VSX2: variants seen among roughly 807,000 people sequenced by gnomAD.
VSX2 encodes ceh-10 homeo domain containing homolog.
VSX2 carries 28 observed loss-of-function variants against 32.1 expected under a neutral mutation model. The ratio of observed to expected loss-of-function variants is 0.87; its 90% CI spans 0.65 to 1.20. The LOEUF (loss-of-function observed/expected upper bound fraction) is 1.20, where lower values mean the gene tolerates loss of function less well. VSX2 is among the 50% of genes most tolerant of loss of function. VSX2 has a pLI of 0.00. For missense variants in VSX2, 506 were observed against 488.7 expected, an observed-to-expected ratio of 1.04 and a Z score of -0.33; for synonymous variants, 243 against 214.1, an observed-to-expected ratio of 1.14 and a Z score of -1.18.
intron 3 of VSX2, among the ~76,000 whole-genome samples, chr14:74,254,136 G>A (rs1371698996): frequency 6.6e-6 from 1 of 151,006 alleles, no homozygotes; most frequent in Non-Finnish European, 1.5e-5. Context: ...GAGGCCAGGC[G>A]TGGGGGCTCA....
chr14:74,245,435 T>TGA, intron 3 of VSX2, 147 bp downstream of exon 3: 1 of 1,165,054 alleles, frequency 8.6e-7, no homozygotes, highest in Non-Finnish European at 1.2e-6. Context: ...CTATTTAAGC[T>TGA]GAACACCTGC....
At chr14:74,245,857 T>C (rs759972021) in intron 3 of VSX2, among the ~76,000 whole-genome samples, 6 of 152,196 alleles carry the variant, frequency 3.9e-5, no homozygotes, top group Non-Finnish European at 7.3e-5. Flanking sequence ...TGCTGCTCCT[T>C]TTCTTCTCCC....
intron 1 of VSX2, 22 bp from the exon 2 acceptor site, chr14:74,241,160 T>C (rs767288954): frequency 1.9e-6 from 3 of 1,611,792 alleles, no homozygotes; most frequent in South Asian, 1.1e-5. Context: ...CTCTGCCGCA[T>C]GTCCCTACGC....
At chr14:74,240,354 A>G (rs1262143962) in intron 1 of VSX2, among the ~76,000 whole-genome samples, 2 of 152,194 alleles carry the variant, frequency 1.3e-5, no homozygotes, top group East Asian at 3.9e-4. Flanking sequence ...CTCCGGCCCC[A>G]TCCCTGGTGT....
At chr14:74,251,105 A>C (rs1245845776) in intron 3 of VSX2, among the ~76,000 whole-genome samples, 1 of 151,994 alleles carries the variant, frequency 6.6e-6, no homozygotes, top group Non-Finnish European at 1.5e-5. Context: ...ACTTGAGGTC[A>C]GGAGTTCGAG....
At chr14:74,247,619 G>A (rs1566885442) in intron 3 of VSX2, among the ~76,000 whole-genome samples, 1 of 152,186 alleles carries the variant, frequency 6.6e-6, no homozygotes, top group Non-Finnish European at 1.5e-5. Context: ...CAGCTAGTAA[G>A]TGGGAGACAC....
intron 3 of VSX2, among the ~76,000 whole-genome samples, chr14:74,252,404 T>C (rs184820284): frequency 1.7e-4 from 26 of 151,792 alleles, no homozygotes; most frequent in Non-Finnish European, 3.2e-4. Flanking sequence ...CTTTTTTTTT[T>C]TTTTGAGATG....
chr14:74,254,783 G>GTTTTTTTTTTTTTTTTTTTTTT (rs1566887118), intron 3 of VSX2, among the ~76,000 whole-genome samples: 20 of 72,360 alleles, frequency 2.8e-4, no homozygotes, highest in Non-Finnish European at 4.1e-4. Flanking sequence ...CCGAAAAGTG[G>GTTTTTTTTTTTTTTTTTTTTTT]ATTTTTTTTT....
At chr14:74,259,534 C>T in intron 3 of VSX2, 68 bp from the exon 4 acceptor site, 2 of 1,598,410 alleles carry the variant, frequency 1.3e-6, no homozygotes, top group South Asian at 1.1e-5. Context: ...TCCAAGCCTA[C>T]AAGGGGTAAG....
At chr14:74,240,791 C>A (rs1302099556) in intron 1 of VSX2, among the ~76,000 whole-genome samples, 1 of 152,178 alleles carries the variant, frequency 6.6e-6, no homozygotes, top group Non-Finnish European at 1.5e-5. Flanking sequence ...CGCCTCCGCT[C>A]CGCTCCTCGC....
At chr14:74,250,996 C>A (rs62006811) in intron 3 of VSX2, among the ~76,000 whole-genome samples, 110,192 of 151,412 alleles carry the variant, frequency 0.73, 42,271 homozygotes, top group Admixed American at 0.84. Flanking sequence ...CAACACCCAG[C>A]AATTCCGATT....
intron 3 of VSX2, among the ~76,000 whole-genome samples, chr14:74,248,360 A>C (rs1214079773): frequency 1.7e-5 from 2 of 117,506 alleles, no homozygotes; most frequent in African/African-American, 5.5e-5. Context: ...AACAAAAAAA[A>C]CCAAAAACGA....
At chr14:74,260,311 G>A (rs1027338668) in intron 4 of VSX2, among the ~76,000 whole-genome samples, 2 of 152,198 alleles carry the variant, frequency 1.3e-5, no homozygotes, top group African/African-American at 4.8e-5. Flanking sequence ...AATCCCATGG[G>A]GGAGGGACAG....
intron 1 of VSX2, among the ~76,000 whole-genome samples, chr14:74,240,148 G>A (rs1280510794): frequency 2.0e-5 from 3 of 152,222 alleles, no homozygotes; most frequent in Non-Finnish European, 4.4e-5. Context: ...TCGGGCGGCC[G>A]CGCAGTTCTC....
At chr14:74,244,088 G>A (rs1378239895) in intron 2 of VSX2, among the ~76,000 whole-genome samples, 2 of 152,216 alleles carry the variant, frequency 1.3e-5, no homozygotes, top group African/African-American at 4.8e-5. Flanking sequence ...GGAAGTAGGT[G>A]TTTAGCGGTT....
At position 74,239,808 on chromosome 14, in the gene VSX2, G is replaced by A; in HGVS notation, c.247G>A (p.Gly83Arg). ...CGGCATGGGGCTTCTGGGGCCCGGG[G>A]GGCTCCCTGGCTTCTACACGCAGCC... ...VGGMGLLGPG[G>R]LPGFYTQPTF... The change falls in exon 1 of 5, where the codon GGG (glycine) becomes AGG (arginine). Residue 83 changes from glycine to arginine, a missense_variant. Physicochemically the swap from Gly to Arg is moderately radical, Grantham distance 125 (BLOSUM62 -2). Transcript: ENST00000261980. 9 of 1,570,666 alleles carry A rather than the reference G, an allele frequency of 5.7e-6. No homozygotes were observed. The highest frequency in any genetic ancestry group is 7.8e-6 in the Non-Finnish European group (9 of 1,159,318).
At chr14:74,251,563 G>A (rs1381878954) in intron 3 of VSX2, among the ~76,000 whole-genome samples, 6 of 152,248 alleles carry the variant, frequency 3.9e-5, no homozygotes, top group Admixed American at 3.3e-4. Context: ...ACACTGGGTT[G>A]GAGGCTCAGG....
At chr14:74,241,146 C>A (rs182745888) in intron 1 of VSX2, 36 bp from the exon 2 acceptor site, 2 of 1,605,340 alleles carry the variant, frequency 1.2e-6, no homozygotes, top group African/African-American at 1.3e-5. Flanking sequence ...GAGCGCGTCC[C>A]CCACTCTGCC....
chr14:74,257,465 C>A (rs1406572694), intron 3 of VSX2, among the ~76,000 whole-genome samples: 2 of 152,202 alleles, frequency 1.3e-5, no homozygotes, highest in African/African-American at 4.8e-5. Flanking sequence ...CATCTAAGGC[C>A]GTGTAGCTCC....
Sources: allele counts gnomAD v4.1 joint callset (sites outside exome capture counted in the v4.1 genomes callset), GRCh38; gene constraint gnomAD v4.1.1; transcripts MANE v1.5; gene names NCBI Gene and HGNC (gene_info 2026-07-23, HGNC 2026-07-21).